Variants in MARK2 observed in about 807,000 individuals in gnomAD.
MARK2 encodes microtubule affinity regulating kinase 2.
MARK2 carries 16 observed loss-of-function variants against 89.8 expected under a neutral mutation model. The ratio of observed to expected loss-of-function variants is 0.18; its 90% CI spans 0.12 to 0.27. The LOEUF is 0.27. Ranked by LOEUF, MARK2 falls within the 10% of genes least tolerant of loss-of-function variation. The probability of loss-of-function intolerance (pLI) is 1.00; values close to 1 mark genes in which losing one functional copy is unlikely to be tolerated. For synonymous variants in MARK2, 382 were observed against 399.5 expected, an observed-to-expected ratio of 0.96 and a Z score of 0.52; for missense variants, 621 against 1,049.9, an observed-to-expected ratio of 0.59 and a Z score of 5.65.
chr11:63,906,568 A>G (rs1348717930), intron 17 of MARK2, among the ~76,000 whole-genome samples: 2 of 145,828 alleles, frequency 1.4e-5, no homozygotes, highest in African/African-American at 5.1e-5. Context: ...TGCATGCGCT[A>G]TGAGGAAGCT....
At chr11:63,893,020 T>C (rs1236260668) in intron 1 of MARK2, among the ~76,000 whole-genome samples, 2 of 150,880 alleles carry the variant, frequency 1.3e-5, no homozygotes, top group African/African-American at 2.4e-5. Context: ...GCAATTCTCC[T>C]GCCTCAGCCT....
At position 63,910,368 on chromosome 11, in the gene MARK2, T is replaced by A. The variant is rs1408295412; in HGVS notation, c.*1131T>A. The A allele has an allele frequency of 6.6e-6, 1 of 152,294 alleles. No individual in the cohort carries two copies. Among genetic ancestry groups the A allele is most frequent in the Non-Finnish European group, 1.5e-5 (1 of 68,112 alleles). 9.4% of individuals were successfully genotyped at this position (152,294 alleles called of 1,614,324 possible). A position where few individuals can be genotyped will look rare whatever the true frequency, so the allele number is the denominator to read the frequency against. ...TCAGGAGACACTGCCGAGGGCCACC[T>A]GGCAGAAGGCTGAGTTAGGCAGCAG... On this transcript the variant is annotated 3_prime_UTR_variant, in exon 19 of 19. Transcript: ENST00000402010.
At chr11:63,890,217 T>G (rs751004860) in intron 1 of MARK2, 4 of 1,342,504 alleles carry the variant, frequency 3.0e-6, no homozygotes, top group Non-Finnish European at 3.9e-6. Flanking sequence ...TCTGCTTCCT[T>G]CCAGTGGCTT....
At chr11:63,895,360 A>G (rs755607614) in intron 2 of MARK2, 22 bp downstream of exon 2, 10 of 1,607,540 alleles carry the variant, frequency 6.2e-6, no homozygotes, top group Non-Finnish European at 8.5e-6. Flanking sequence ...GACTGGGGAC[A>G]TGGCAGCACC....
Position 63,899,885 on chromosome 11 carries a change from G to T in MARK2, c.543G>T (p.Leu181=). 5 of 1,613,528 alleles carry T rather than the reference G, an allele frequency of 3.1e-6. No individual in the cohort carries two copies. The South Asian group carries it at 4.4e-5, about 14-fold the overall frequency. Residue 181 remains leucine, a synonymous_variant, in exon 8 of 19, where the codon CTG becomes CTT. Transcript: ENST00000402010. ...IVHRDLKAEN[L]LLDADMNIKI... ...ATCTTACCTCCCAGGCAGAAAACCT[G>T]CTCTTGGATGCTGATATGAACATCA...
intron 1 of MARK2, among the ~76,000 whole-genome samples, chr11:63,894,507 A>G (rs1246054200): frequency 6.6e-6 from 1 of 152,060 alleles, no homozygotes; most frequent in African/African-American, 2.4e-5. Flanking sequence ...GACCAGCCTG[A>G]CCAACATGGA....
At chr11:63,846,501 G>A (rs560354546) in intron 1 of MARK2, among the ~76,000 whole-genome samples, 1 of 151,770 alleles carries the variant, frequency 6.6e-6, no homozygotes, top group Non-Finnish European at 1.5e-5. Context: ...GATTACAGGT[G>A]TACGCCACTG....
intron 1 of MARK2, among the ~76,000 whole-genome samples, chr11:63,859,911 T>C (rs1937650700): frequency 6.6e-6 from 1 of 152,354 alleles, no homozygotes; most frequent in Non-Finnish European, 1.5e-5. Flanking sequence ...ATGACAGTCA[T>C]GAGCCACCAC....
intron 1 of MARK2, among the ~76,000 whole-genome samples, chr11:63,889,857 A>T (rs1939690860): frequency 6.6e-6 from 1 of 152,200 alleles, no homozygotes; most frequent in Non-Finnish European, 1.5e-5. Context: ...GGGCCTGTCT[A>T]GAGTATGATA....
At chr11:63,891,060 T>C (rs1939811391) in intron 1 of MARK2, among the ~76,000 whole-genome samples, 1 of 152,122 alleles carries the variant, frequency 6.6e-6, no homozygotes, top group Non-Finnish European at 1.5e-5. Flanking sequence ...TTGGGGCTTT[T>C]TGTGTTTGTT....
In MARK2 at chr11:63,903,806, C is replaced by T. The variant is rs374315917; in HGVS notation, c.1515-180C>T. On this transcript the variant is annotated intron_variant, in intron 14 of 18. Transcript: ENST00000402010. This position sits in a 1 kb window ranked among gnomAD's most constrained non-coding sequence, Gnocchi z 5.1. ...CCTCGCTGCTTCCCGACCTCACTCA[C>T]CTCCACTTCTCAGCCCCGCATTCCT... Among the ~76,000 whole-genome samples the T allele has an allele frequency of 3.3e-5, 5 of 152,116 alleles. No individual in the cohort carries two copies. Among genetic ancestry groups the T allele is most frequent in the Non-Finnish European group, 5.9e-5 (4 of 68,008 alleles).
At chr11:63,866,844 C>A (rs1431875465) in intron 1 of MARK2, among the ~76,000 whole-genome samples, 1 of 152,178 alleles carries the variant, frequency 6.6e-6, no homozygotes, top group African/African-American at 2.4e-5. Context: ...AAGACTGGGG[C>A]CTTAATCTTT....
chr11:63,842,217 C>CT (rs563980317), intron 1 of MARK2, among the ~76,000 whole-genome samples: 2,194 of 133,040 alleles, frequency 0.016, 45 homozygotes, highest in African/African-American at 0.041. Context: ...TTCCTGTATT[C>CT]TTTTTTTTTT....
intron 1 of MARK2, among the ~76,000 whole-genome samples, chr11:63,857,824 T>C (rs1443556101): frequency 6.6e-6 from 1 of 152,188 alleles, no homozygotes; most frequent in African/African-American, 2.4e-5. Flanking sequence ...CTCCATGACT[T>C]TGGTTGATAC....
chr11:63,870,945 G>C (rs961856317), intron 1 of MARK2, among the ~76,000 whole-genome samples: 3 of 152,216 alleles, frequency 2.0e-5, no homozygotes, highest in African/African-American at 7.2e-5. Context: ...GAAGGGAAGA[G>C]AGTTAGTCTG....
Position 63,910,746 on chromosome 11 carries a change from AG to A in MARK2, c.*1511del, listed in dbSNP as rs1343662148. On this transcript the variant is annotated 3_prime_UTR_variant, in exon 19 of 19. Coordinates refer to ENST00000402010, the MANE Select transcript of MARK2 (RefSeq NM_001039469.3). The stretch of plus-strand genomic sequence containing the variant: ...CGATTAAGCCGAGCCCTTGCGTCCT[AG>A]GAAGGGGCCTTGCCAACCTCAGCCC... The A allele has an allele frequency of 6.8e-6, 1 of 148,106 alleles. No homozygotes were observed. The highest frequency in any genetic ancestry group is 1.5e-5 in the Non-Finnish European group (1 of 67,586). The allele number at this position is 148,106 out of a possible 1,614,324, so 9.2% of individuals were successfully genotyped here. A position where few individuals can be genotyped will look rare whatever the true frequency, so the allele number is the denominator to read the frequency against.
intron 1 of MARK2, among the ~76,000 whole-genome samples, chr11:63,873,080 T>G (rs981398806): frequency 2.6e-5 from 4 of 152,098 alleles, no homozygotes; most frequent in Non-Finnish European, 4.4e-5. Flanking sequence ...GCACTCATTC[T>G]GCTGTTACTG....
chr11:63,904,254 T>C lies in MARK2; in HGVS notation c.1676+107T>C. On this transcript the variant is annotated intron_variant, in intron 15 of 18. Coordinates refer to ENST00000402010, the MANE Select transcript of MARK2 (RefSeq NM_001039469.3). This position sits in a 1 kb window ranked among gnomAD's most constrained non-coding sequence, Gnocchi z 6.3. Reference sequence around the variant, plus strand: ...TGGGGGTCCTGCTGTGTTCTTGTCATCTTAGCCACAAGAAATGGGTCTGTC... The same window carrying C: ...TGGGGGTCCTGCTGTGTTCTTGTCACCTTAGCCACAAGAAATGGGTCTGTC... The C allele has an allele frequency of 9.7e-7, 1 of 1,030,314 alleles. No homozygotes were observed. The highest frequency in any genetic ancestry group is 1.4e-6 in the Non-Finnish European group (1 of 730,146). The allele number at this position is 1,030,314 out of a possible 1,614,324, so 63.8% of individuals were successfully genotyped here. A position where few individuals can be genotyped will look rare whatever the true frequency, so the allele number is the denominator to read the frequency against.
At position 63,849,636 on chromosome 11, in the gene MARK2, C is replaced by A. The variant is rs113423422; in HGVS notation, c.54+10076C>A. On this transcript the variant is annotated intron_variant, in intron 1 of 18. Coordinates refer to ENST00000402010, the MANE Select transcript of MARK2 (RefSeq NM_001039469.3). ...GGTGTGGTGTTGTACACCTATAGTC[C>A]CAGCTACTCGGAAGGCTGAGGCACA... Among the ~76,000 whole-genome samples, 1,124 of 152,228 alleles carry A rather than the reference C, an allele frequency of 7.4e-3. 11 individuals are homozygous for A. The highest frequency in any genetic ancestry group is 0.026 in the African/African-American group (1,061 of 41,542).
Sources: gnomAD v4.1 joint callset for allele counts (sites outside exome capture counted in the v4.1 genomes callset) on GRCh38, gnomAD v4.1.1 for gene constraint, Gnocchi (gnomAD v3.1) non-coding constraint, MANE v1.5 for transcripts, NCBI Gene and HGNC (gene_info 2026-07-23, HGNC 2026-07-21) for gene names.